MYO16: variants seen among roughly 807,000 people sequenced by gnomAD.
MYO16 encodes myosin XVI, also known as unconventional myosin-XVI.
MYO16 carries 94 observed loss-of-function variants against 205.3 expected under a neutral mutation model. The ratio of observed to expected loss-of-function variants is 0.46; its 90% CI spans 0.39 to 0.54. The LOEUF is 0.54. Ranked by LOEUF, MYO16 falls within the 20% of genes least tolerant of loss-of-function variation. The probability of loss-of-function intolerance (pLI) is 0.00; values close to 1 mark genes in which losing one functional copy is unlikely to be tolerated. For synonymous variants in MYO16, 988 were observed against 954.0 expected, an observed-to-expected ratio of 1.04 and a Z score of -0.66; for missense variants, 2,315 against 2,387.5, an observed-to-expected ratio of 0.97 and a Z score of 0.63.
At chr13:108,916,848 G>A (rs1227559756) in intron 16 of MYO16, among the ~76,000 whole-genome samples, 11 of 152,180 alleles carry the variant, frequency 7.2e-5, no homozygotes, top group African/African-American at 2.7e-4. Context: ...TTTGGTAAAT[G>A]ACAGAGGTGG....
At chr13:108,591,769 G>A (rs1012777964), upstream of MYO16, among the ~76,000 whole-genome samples, 6 of 152,092 alleles carry the variant, frequency 3.9e-5, no homozygotes, top group Non-Finnish European at 7.4e-5. Flanking sequence ...CAAATAAAAA[G>A]AAGTTAAATA....
chr13:108,976,217 A>G (rs1020613148), intron 20 of MYO16, among the ~76,000 whole-genome samples: 3 of 152,166 alleles, frequency 2.0e-5, no homozygotes, highest in African/African-American at 7.2e-5. Context: ...GTTCCCAGGA[A>G]AATATCTGAC....
intron 4 of MYO16, among the ~76,000 whole-genome samples, chr13:108,751,277 T>A (rs9514896): frequency 0.43 from 64,905 of 151,612 alleles, 13,940 homozygotes; most frequent in East Asian, 0.55. Context: ...AAAGCCTGCA[T>A]CAGCTTGTAG....
At position 108,629,813 on chromosome 13, in the gene MYO16, C is replaced by G. The variant is rs1340523770; in HGVS notation, c.-32C>G. The G allele has an allele frequency of 4.6e-6, 7 of 1,523,164 alleles. No individual in the cohort carries two copies. The highest frequency in any genetic ancestry group is 6.2e-6 in the Non-Finnish European group (7 of 1,136,780). 94.4% of individuals were successfully genotyped at this position (1,523,164 alleles called of 1,614,324 possible). A position where few individuals can be genotyped will look rare whatever the true frequency, so the allele number is the denominator to read the frequency against. ...GTTGTGACAGAAGAGAATGCTGGAA[C>G]CCGTAGCAAGATTCCTGTCTGAGAT... On this transcript the variant is annotated 5_prime_UTR_variant, in exon 1 of 35. Transcript: ENST00000457511.
At chr13:108,644,362 GTCTATCTA>G (rs68036528) in intron 1 of MYO16, among the ~76,000 whole-genome samples, 55,500 of 147,588 alleles carry the variant, frequency 0.38, 10,502 homozygotes, top group Non-Finnish European at 0.39. Context: ...CTGTCTGTCT[GTCTATCTA>G]TCTATCTATC....
intron 27 of MYO16, among the ~76,000 whole-genome samples, chr13:109,078,377 T>A (rs909322952): frequency 6.6e-6 from 1 of 152,110 alleles, no homozygotes; most frequent in Non-Finnish European, 1.5e-5. Context: ...AGGTAGAGGT[T>A]GCAGTGAGCT....
intron 20 of MYO16, among the ~76,000 whole-genome samples, chr13:108,986,567 A>G (rs1271310870): frequency 2.2e-5 from 3 of 138,096 alleles, no homozygotes; most frequent in Non-Finnish European, 4.6e-5. Context: ...GGTTGTGGTG[A>G]GCCGAGATGG....
At chr13:108,685,900 T>G (rs1427399196) in intron 2 of MYO16, among the ~76,000 whole-genome samples, 1 of 152,188 alleles carries the variant, frequency 6.6e-6, no homozygotes, top group Non-Finnish European at 1.5e-5. Context: ...ACCAGGTATA[T>G]TGATTGGATT....
intron 4 of MYO16, among the ~76,000 whole-genome samples, chr13:108,752,383 T>C (rs191612686): frequency 2.0e-5 from 3 of 152,262 alleles, no homozygotes; most frequent in Admixed American, 2.0e-4. Flanking sequence ...TTTATATCTA[T>C]TTGTTAGTAA....
At chr13:108,759,164 TAA>T (rs34519128) in intron 4 of MYO16, among the ~76,000 whole-genome samples, 8 of 148,216 alleles carry the variant, frequency 5.4e-5, no homozygotes, top group African/African-American at 1.7e-4. Flanking sequence ...TGTAGTCTGT[TAA>T]AAAAAAAAAG....
intron 23 of MYO16, among the ~76,000 whole-genome samples, chr13:109,024,379 G>T (rs1886293135): frequency 6.6e-6 from 1 of 151,998 alleles, no homozygotes; most frequent in African/African-American, 2.4e-5. Context: ...TTTGTACTGT[G>T]TATTGGAGAT....
At chr13:108,563,913 C>T in the MYO16 span, among the ~76,000 whole-genome samples, 1 of 152,170 alleles carries the variant, frequency 6.6e-6, no homozygotes, top group African/African-American at 2.4e-5. Flanking sequence ...TCTGAAGAAG[C>T]TCCAAACTGC....
chr13:108,975,659 A>C lies in MYO16; in HGVS notation c.2369+10757A>C, dbSNP rs74370276. 4.4e-3 allele frequency among the ~76,000 whole-genome samples: 663 copies of C among 152,268 alleles called. 3 individuals carry two copies. The highest frequency in any genetic ancestry group is 0.014 in the African/African-American group (588 of 41,554). ...TATAGACACGTCTCCTTTGCTTTAC[A>C]TGAAGGCTTGCCATTATTCTCTCTA... On this transcript the variant is annotated intron_variant, in intron 20 of 34. Coordinates refer to ENST00000457511, the MANE Select transcript of MYO16 (RefSeq NM_001198950.3).
At chr13:108,920,430 C>T (rs555539775) in intron 16 of MYO16, among the ~76,000 whole-genome samples, 1 of 151,264 alleles carries the variant, frequency 6.6e-6, no homozygotes, top group African/African-American at 2.4e-5. Flanking sequence ...TTCTTTCCTT[C>T]CCTGTCATCT....
rs749797027 is a variant in MYO16 at position 109,100,880 on chromosome 13, G to A, written c.3431G>A (p.Gly1144Asp). The change falls in exon 28 of 35, where the codon GGC becomes GAC. Residue 1144 changes from glycine (G) to aspartate (D), a missense_variant. By Grantham distance (94) the Gly-to-Asp change is moderately conservative (BLOSUM62 -1). This residue lies in a region of MYO16 where 1,097 missense variants were observed against 1,092.0 expected (regional missense o/e 1.00). Transcript: ENST00000457511. ...GTTCTCCAGCAGTGTAAATTACAAG[G>A]CTGGCAGGTTGGTGACCTACAAGCT... is the stretch of plus-strand genomic sequence containing the variant. ...RLVLQQCKLQ[G>D]WQMGVRKVFL... The A allele has an allele frequency of 1.2e-6, 2 of 1,612,394 alleles. No individual in the cohort carries two copies. Among genetic ancestry groups the A allele is most frequent in the South Asian group, 2.2e-5 (2 of 91,000 alleles).
chr13:108,629,395 C>T (rs1322032681), upstream of MYO16: 1 of 155,134 alleles, frequency 6.4e-6, no homozygotes, highest in Non-Finnish European at 1.4e-5. Context: ...TAGGATCCTT[C>T]TATCCGTGGC....
chr13:109,148,312 G>A (rs530160034), intron 32 of MYO16, among the ~76,000 whole-genome samples: 67 of 152,208 alleles, frequency 4.4e-4, no homozygotes, highest in Non-Finnish European at 7.9e-4. Context: ...AACTTGTAGC[G>A]CTTTCTCTAT....
chr13:108,620,503 G>T (rs1228183247), intron 1 of MYO16, among the ~76,000 whole-genome samples: 2 of 152,136 alleles, frequency 1.3e-5, no homozygotes, highest in East Asian at 3.9e-4. Context: ...CAAAGTCTGT[G>T]GGTGGAACTT....
intron 9 of MYO16, among the ~76,000 whole-genome samples, chr13:108,834,778 C>T (rs1876814784): frequency 7.9e-6 from 1 of 126,472 alleles, no homozygotes; most frequent in African/African-American, 2.8e-5. Context: ...AAGAAAATAC[C>T]AGTGATTAAA....
Sources: allele counts gnomAD v4.1 joint callset (sites outside exome capture counted in the v4.1 genomes callset), GRCh38; gene constraint gnomAD v4.1.1; regional missense constraint gnomAD v4.1.1; transcripts MANE v1.5; gene names NCBI Gene and HGNC (gene_info 2026-07-23, HGNC 2026-07-21).